RFX7: variants seen among roughly 807,000 people sequenced by gnomAD.
RFX7 encodes the protein regulatory factor X7.
RFX7 carries 26 observed loss-of-function variants against 111.8 expected under a neutral mutation model. That is an observed-to-expected ratio of 0.23 (90% confidence interval 0.17 to 0.32). RFX7 has a LOEUF of 0.32. Among genes scored for constraint, RFX7 ranks in the 10% least tolerant of loss-of-function variants. RFX7 has a pLI of 1.00. For synonymous variants in RFX7, 624 were observed against 624.4 expected (o/e 1.00, Z 0.01); for missense variants, 1,573 against 1,772.9 (o/e 0.89, Z 2.02).
intron 2 of RFX7, among the ~76,000 whole-genome samples, chr15:56,236,766 C>T (rs1284344842): frequency 6.6e-6 from 1 of 152,162 alleles, no homozygotes; most frequent in Non-Finnish European, 1.5e-5. Flanking sequence ...TTAAACATCT[C>T]TTTATAAAGA....
chr15:56,126,718 A>ACTG (rs2042150459), intron 5 of RFX7, among the ~76,000 whole-genome samples: 2 of 152,208 alleles, frequency 1.3e-5, no homozygotes, highest in African/African-American at 4.8e-5. Context: ...CAGAAAAGAT[A>ACTG]AAGCATGGCT....
chr15:56,232,538 G>A (rs560702810), intron 2 of RFX7, among the ~76,000 whole-genome samples: 5 of 152,110 alleles, frequency 3.3e-5, no homozygotes, highest in East Asian at 3.9e-4. Context: ...TTGTTTCCTC[G>A]TTACTTATGC....
At chr15:56,106,033 A>G (rs772504715) in intron 5 of RFX7, among the ~76,000 whole-genome samples, 10 of 152,174 alleles carry the variant, frequency 6.6e-5, no homozygotes, top group African/African-American at 2.4e-4. Flanking sequence ...GTGACAGTCT[A>G]AAGTCCATAC....
rs1334779592 is a variant in RFX7 at position 56,136,228 on chromosome 15, T to C, written c.401+6550A>G. On this transcript the variant is annotated intron_variant, in intron 5 of 9. Transcript: ENST00000559447. ...GGGCAGTATGGCCATTTTCACGATA[T>C]TGATTCTTCCTACCCATGAGCATGG... 5.1e-3 allele frequency among the ~76,000 whole-genome samples: 763 copies of C among 148,832 alleles called. 1 individual carries two copies. Among genetic ancestry groups the C allele is most frequent in the Non-Finnish European group, 8.2e-3 (550 of 67,064 alleles).
At chr15:56,214,903 C>T (rs1259226584) in intron 2 of RFX7, among the ~76,000 whole-genome samples, 3 of 140,202 alleles carry the variant, frequency 2.1e-5, no homozygotes, top group Non-Finnish European at 1.6e-5. Context: ...TGTAGACTAA[C>T]GTATGGTAAG....
chr15:56,095,116 G>C lies in RFX7; in HGVS notation c.2612C>G (p.Thr871Arg). The C allele has an allele frequency of 6.2e-7, 1 of 1,613,814 alleles. No homozygotes were observed. The highest frequency in any genetic ancestry group is 8.5e-7 in the Non-Finnish European group (1 of 1,179,774). ...ATCAAAAGGAAAGTAGCTTTCATTT[G>C]TCTGGGAAACAGAAGGCTCAAACTC... ...LKEFEPSVSQTNESYFPFDDE... is the reference protein window; with the variant it reads ...LKEFEPSVSQRNESYFPFDDE... Residue 871 changes from threonine to arginine, a missense_variant, in exon 10 of 10, where the codon ACA becomes AGA. Coordinates refer to ENST00000559447, the MANE Select transcript of RFX7 (RefSeq NM_022841.7).
intron 5 of RFX7, among the ~76,000 whole-genome samples, chr15:56,139,494 G>C (rs2042357005): frequency 6.6e-6 from 1 of 152,014 alleles, no homozygotes; most frequent in Non-Finnish European, 1.5e-5. Context: ...TCTCTGTATT[G>C]GTTATTCTAG....
In RFX7 at chr15:56,096,395, G is replaced by A. The variant is rs764160839; in HGVS notation, c.1333C>T (p.Arg445Cys). 5.6e-6 allele frequency: 9 copies of A among 1,613,946 alleles called. No homozygotes were observed. The highest frequency in any genetic ancestry group is 1.7e-4 in the Middle Eastern group (1 of 6,060). ...GTAAAGAGGACAGTAGTTGGAGAGC[G>A]AATGGTGAGTGCACTGGTGTTCGCT... is the stretch of plus-strand genomic sequence containing the variant. ...KPANTSALTI[R>C]SPTTVLFTSS... The change falls in exon 10 of 10, where the codon CGC (arginine) becomes TGC (cysteine). Residue 445 changes from arginine (R) to cysteine (C), a missense_variant. Physicochemically the swap from Arg to Cys is radical, Grantham distance 180. Transcript: ENST00000559447.
intron 2 of RFX7, among the ~76,000 whole-genome samples, chr15:56,181,768 T>C (rs1567039218): frequency 6.6e-6 from 1 of 152,166 alleles, no homozygotes; most frequent in Non-Finnish European, 1.5e-5. Flanking sequence ...TATCCACCTA[T>C]CACAAACAAC....
chr15:56,118,520 G>A lies in RFX7; in HGVS notation c.402-14850C>T, dbSNP rs1470988733. 5.9e-5 allele frequency among the ~76,000 whole-genome samples: 9 copies of A among 152,254 alleles called. No homozygotes were observed. The East Asian group carries it at 7.7e-4, about 13-fold the overall frequency. ...CCATCCATGTGATTGCAAATGATAC[G>A]ATCTCATTCTATTTTTATGGCTGAA... On this transcript the variant is annotated intron_variant, in intron 5 of 9. Transcript: ENST00000559447.
intron 5 of RFX7, among the ~76,000 whole-genome samples, chr15:56,111,237 C>T (rs1488061010): frequency 6.7e-6 from 1 of 148,736 alleles, no homozygotes; most frequent in Non-Finnish European, 1.5e-5. Flanking sequence ...ATTGAGAAAT[C>T]GGATGGTTGC....
At chr15:56,177,403 T>C (rs1434291849) in intron 3 of RFX7, among the ~76,000 whole-genome samples, 5 of 152,190 alleles carry the variant, frequency 3.3e-5, no homozygotes, top group Admixed American at 1.3e-4. Context: ...ACTTGTTTAA[T>C]GTCTACCTCA....
intron 2 of RFX7, among the ~76,000 whole-genome samples, chr15:56,196,650 C>T (rs2043148384): frequency 6.6e-6 from 1 of 151,908 alleles, no homozygotes; most frequent in South Asian, 2.1e-4. Context: ...ACCCTGCTGG[C>T]ACCTTGATCT....
chr15:56,238,617 C>T (rs1319561577), intron 2 of RFX7, among the ~76,000 whole-genome samples: 4 of 152,186 alleles, frequency 2.6e-5, no homozygotes, highest in Non-Finnish European at 4.4e-5. Context: ...CTTATGAGGT[C>T]TTGCCTGCAA....
At chr15:56,236,397 A>G (rs1229851005) in intron 2 of RFX7, among the ~76,000 whole-genome samples, 3 of 152,146 alleles carry the variant, frequency 2.0e-5, no homozygotes, top group Non-Finnish European at 4.4e-5. Flanking sequence ...TCTTCCTCCT[A>G]TTGGCCCATG....
chr15:56,110,431 C>G (rs1464771747), intron 5 of RFX7, among the ~76,000 whole-genome samples: 1 of 124,924 alleles, frequency 8.0e-6, no homozygotes, highest in African/African-American at 2.9e-5. Flanking sequence ...GTCAGCCCCC[C>G]GCCCGGCCAG....
chr15:56,184,176 C>T (rs894187221), intron 2 of RFX7, among the ~76,000 whole-genome samples: 7 of 149,946 alleles, frequency 4.7e-5, no homozygotes, highest in Admixed American at 4.0e-4. Context: ...TGTGCCACCA[C>T]ACCTGGCTAA....
intron 5 of RFX7, among the ~76,000 whole-genome samples, chr15:56,110,103 C>T (rs2041895672): frequency 7.5e-6 from 1 of 134,188 alleles, no homozygotes. Flanking sequence ...GGGGGTCAGC[C>T]CCCCGCCCGG....
In RFX7 at chr15:56,094,262, A is replaced by C. The variant is rs1379030682; in HGVS notation, c.3466T>G (p.Ser1156Ala). ...PAPLDNKGTN[S>A]SASSNFRCRS... ...CATCTGAAGTTGCTGCTGGCAGATGAATTAGTTCCTTTATTATCAAGAGGG... is the reference window on the plus strand; with the variant it reads ...CATCTGAAGTTGCTGCTGGCAGATGCATTAGTTCCTTTATTATCAAGAGGG... The change falls in exon 10 of 10, where the codon TCA (serine) becomes GCA (alanine). Residue 1156 changes from serine to alanine, a missense_variant. Physicochemically the swap from Ser to Ala is moderately conservative, Grantham distance 99 (BLOSUM62 1). Around this residue, in one of 7 missense-constraint regions of RFX7, gnomAD observed 411 missense variants for 478.1 expected, o/e 0.86. Coordinates refer to ENST00000559447, the MANE Select transcript of RFX7 (RefSeq NM_022841.7). 2 of 1,613,790 alleles carry C rather than the reference A, an allele frequency of 1.2e-6. No individual in the cohort carries two copies. The highest frequency in any genetic ancestry group is 2.7e-5 in the African/African-American group (2 of 74,892).
Sources: gnomAD v4.1 joint callset for allele counts (sites outside exome capture counted in the v4.1 genomes callset) on GRCh38, gnomAD v4.1.1 for gene constraint, gnomAD v4.1.1 regional missense constraint, MANE v1.5 for transcripts, NCBI Gene and HGNC (gene_info 2026-07-23, HGNC 2026-07-21) for gene names.